The following MOB3B variants were observed in gnomAD, a reference collection of about 807,000 sequenced individuals.
MOB3B encodes MOB kinase activator-like 2B.
MOB3B carries 7 observed loss-of-function variants against 18.7 expected under a neutral mutation model. The observed-to-expected ratio is 0.37, with a 90% CI of 0.21 to 0.70. The LOEUF (loss-of-function observed/expected upper bound fraction) is 0.70, where lower values mean the gene tolerates loss of function less well. Among genes scored for constraint, MOB3B ranks in the 30% least tolerant of loss-of-function variants. The probability of loss-of-function intolerance (pLI) is 0.52; values close to 1 mark genes in which losing one functional copy is unlikely to be tolerated. For synonymous variants in MOB3B, 111 were observed against 99.9 expected, an observed-to-expected ratio of 1.11 and a Z score of -0.66; for missense variants, 253 against 281.3, an observed-to-expected ratio of 0.90 and a Z score of 0.72.
At chr9:27,382,490 C>T (rs1821592214) in intron 2 of MOB3B, among the ~76,000 whole-genome samples, 1 of 152,120 alleles carries the variant, frequency 6.6e-6, no homozygotes. Flanking sequence ...TCTCCAACCC[C>T]CTTCACCCCC....
intron 2 of MOB3B, among the ~76,000 whole-genome samples, chr9:27,406,502 A>G (rs1821980195): frequency 6.6e-6 from 1 of 152,236 alleles, no homozygotes; most frequent in Admixed American, 6.5e-5. Context: ...ACAAAGCTAC[A>G]GTAATTAAAA....
At chr9:27,496,012 G>C (rs1458321535) in intron 1 of MOB3B, among the ~76,000 whole-genome samples, 1 of 152,146 alleles carries the variant, frequency 6.6e-6, no homozygotes, top group Non-Finnish European at 1.5e-5. Context: ...GTTATAATTA[G>C]CATAGATTCT....
chr9:27,409,559 G>A (rs375560804), intron 2 of MOB3B, among the ~76,000 whole-genome samples: 1 of 152,076 alleles, frequency 6.6e-6, no homozygotes, highest in South Asian at 2.1e-4. Context: ...ATTATCATAT[G>A]CTCCGGCAAT....
At chr9:27,407,461 C>T (rs1048681231) in intron 2 of MOB3B, among the ~76,000 whole-genome samples, 1 of 152,184 alleles carries the variant, frequency 6.6e-6, no homozygotes, top group African/African-American at 2.4e-5. Flanking sequence ...TTCACACTCA[C>T]TGCTTGATGG....
At chr9:27,438,059 C>T (rs1239613748) in intron 2 of MOB3B, among the ~76,000 whole-genome samples, 3 of 152,164 alleles carry the variant, frequency 2.0e-5, no homozygotes, top group South Asian at 2.1e-4. Context: ...ACTAACACCA[C>T]GAAGACATTG....
intron 3 of MOB3B, among the ~76,000 whole-genome samples, chr9:27,345,755 A>G (rs1348656161): frequency 6.6e-6 from 1 of 152,116 alleles, no homozygotes; most frequent in Non-Finnish European, 1.5e-5. Context: ...TCGCTCAACT[A>G]TGTGCACTAT....
At chr9:27,416,598 T>G (rs1022344752) in intron 2 of MOB3B, among the ~76,000 whole-genome samples, 4 of 141,326 alleles carry the variant, frequency 2.8e-5, no homozygotes, top group Non-Finnish European at 6.1e-5. Flanking sequence ...TGTCATCTAG[T>G]CTGGAGTGGA....
intron 3 of MOB3B, among the ~76,000 whole-genome samples, chr9:27,355,043 T>A (rs1821166015): frequency 6.6e-6 from 1 of 152,218 alleles, no homozygotes; most frequent in South Asian, 2.1e-4. Context: ...CCATATATCT[T>A]GCTCAAGTTT....
At position 27,524,605 on chromosome 9, in the gene MOB3B, T is replaced by C. The variant is rs750313195; in HGVS notation, c.-199+4950A>G. 1.8e-5 allele frequency: 29 copies of C among 1,614,022 alleles called. No individual in the cohort carries two copies. In the South Asian group the frequency reaches 2.9e-4, roughly 16 times the overall value. On this transcript the variant is annotated intron_variant, in intron 1 of 3. Coordinates refer to ENST00000262244, the MANE Select transcript of MOB3B (RefSeq NM_024761.5). ...GACATCAAGAAGGCCTTCTATGAAATGTCCCTACAGGCCTTCAACATCTTC... is the reference window on the plus strand; with the variant it reads ...GACATCAAGAAGGCCTTCTATGAAACGTCCCTACAGGCCTTCAACATCTTC...
At chr9:27,358,743 G>A in intron 3 of MOB3B, 1 of 591,602 alleles carries the variant, frequency 1.7e-6, no homozygotes. Context: ...TTCAATAAGT[G>A]GAAGAATGAC....
intron 2 of MOB3B, among the ~76,000 whole-genome samples, chr9:27,377,688 G>A (rs563812477): frequency 2.9e-4 from 44 of 152,284 alleles, no homozygotes; most frequent in Non-Finnish European, 5.9e-4. Flanking sequence ...GAAAACACTG[G>A]CAAAGTTCAT....
rs1340414624 is a variant in MOB3B, at chr9:27,420,385, G to T, written c.418+34748C>A. Among the ~76,000 whole-genome samples the T allele has an allele frequency of 2.0e-5, 3 of 151,698 alleles. No individual in the cohort carries two copies. The East Asian group carries it at 5.8e-4, about 29-fold the overall frequency. On this transcript the variant is annotated intron_variant, in intron 2 of 3. Transcript: ENST00000262244. Reference sequence around the variant, plus strand: ...GTTTATAGCAGCACAATTCACAATTGCAAAATTGTGGAACTAACCCAATTG... The same window carrying T: ...GTTTATAGCAGCACAATTCACAATTTCAAAATTGTGGAACTAACCCAATTG...
intron 3 of MOB3B, among the ~76,000 whole-genome samples, chr9:27,345,487 TCC>T (rs978725263): frequency 3.9e-5 from 6 of 152,200 alleles, no homozygotes; most frequent in Non-Finnish European, 8.8e-5. Context: ...ATGCTAGAGT[TCC>T]AAATTCTTCT....
At chr9:27,407,814 G>A (rs1363742979) in intron 2 of MOB3B, among the ~76,000 whole-genome samples, 1 of 152,144 alleles carries the variant, frequency 6.6e-6, no homozygotes, top group African/African-American at 2.4e-5. Context: ...GAATCCTTGG[G>A]AGGTCTATTT....
At chr9:27,508,926 A>C (rs1820096861) in intron 1 of MOB3B, among the ~76,000 whole-genome samples, 1 of 152,200 alleles carries the variant, frequency 6.6e-6, no homozygotes, top group Admixed American at 6.5e-5. Flanking sequence ...GAAAGCAAAC[A>C]GCTCCAGTTC....
intron 1 of MOB3B, among the ~76,000 whole-genome samples, chr9:27,497,387 T>C (rs1038528625): frequency 6.6e-6 from 1 of 152,126 alleles, no homozygotes; most frequent in Non-Finnish European, 1.5e-5. Flanking sequence ...TAGAATTCTA[T>C]ATAGACATAT....
intron 1 of MOB3B, among the ~76,000 whole-genome samples, chr9:27,479,793 T>C (rs1182700107): frequency 1.3e-5 from 2 of 152,196 alleles, no homozygotes; most frequent in Non-Finnish European, 2.9e-5. Flanking sequence ...TAAAACTTTT[T>C]AAAAGCTAAG....
rs1186144660 is a variant in MOB3B at position 27,329,513 on chromosome 9, G to C, written c.*1074C>G. 2.0e-5 allele frequency: 3 copies of C among 152,370 alleles called. No individual in the cohort carries two copies. Among genetic ancestry groups the C allele is most frequent in the Non-Finnish European group, 4.4e-5 (3 of 68,044 alleles). The allele number at this position is 152,370 out of a possible 1,614,324, so 9.4% of individuals were successfully genotyped here. Reference sequence around the variant, plus strand: ...TAACATAACGTGGCAGAGGAGTGGGGAGCGTGGAGTGGGGAGAGAATGACG... The same window carrying C: ...TAACATAACGTGGCAGAGGAGTGGGCAGCGTGGAGTGGGGAGAGAATGACG... On this transcript the variant is annotated 3_prime_UTR_variant, in exon 4 of 4. Coordinates refer to ENST00000262244, the MANE Select transcript of MOB3B (RefSeq NM_024761.5).
At chr9:27,360,612 C>T (rs1418130891) in intron 2 of MOB3B, among the ~76,000 whole-genome samples, 1 of 152,242 alleles carries the variant, frequency 6.6e-6, no homozygotes, top group Non-Finnish European at 1.5e-5. Context: ...ATGCACGGCA[C>T]ATGCCCCAAG....
Sources: gnomAD v4.1 joint callset for allele counts (sites outside exome capture counted in the v4.1 genomes callset) on GRCh38, gnomAD v4.1.1 for gene constraint, MANE v1.5 for transcripts, NCBI Gene and HGNC (gene_info 2026-07-23, HGNC 2026-07-21) for gene names.